The following CYRIA variants were observed in gnomAD, a reference collection of about 807,000 sequenced individuals.
CYRIA encodes the protein CYFIP-related Rac1 interactor A.
A neutral mutation model predicts 43.9 loss-of-function variants in CYRIA; 15 were observed. The ratio of observed to expected loss-of-function variants is 0.34; its 90% CI spans 0.23 to 0.53. The LOEUF (loss-of-function observed/expected upper bound fraction) is 0.53, where lower values mean the gene tolerates loss of function less well. Among genes scored for constraint, CYRIA ranks in the 20% least tolerant of loss-of-function variants. CYRIA has a pLI of 0.94. For synonymous variants in CYRIA, 117 were observed against 136.0 expected, an observed-to-expected ratio of 0.86 and a Z score of 0.97; for missense variants, 236 against 394.2, an observed-to-expected ratio of 0.60 and a Z score of 3.40.
intron 2 of CYRIA, among the ~76,000 whole-genome samples, chr2:16,609,451 T>C (rs1439603906): frequency 6.6e-6 from 1 of 152,220 alleles, no homozygotes; most frequent in Non-Finnish European, 1.5e-5. Flanking sequence ...AGACCTCAGC[T>C]TCTAGCTGGA....
chr2:16,665,684 C>T (rs914946014), intron 1 of CYRIA, 96 bp downstream of exon 1: 1 of 150,436 alleles, frequency 6.6e-6, no homozygotes, highest in Non-Finnish European at 1.5e-5. Flanking sequence ...GCCCGCCCCG[C>T]CTCGCGGTGC....
intron 2 of CYRIA, among the ~76,000 whole-genome samples, chr2:16,608,680 A>G (rs1231656043): frequency 6.6e-6 from 1 of 151,906 alleles, no homozygotes; most frequent in Non-Finnish European, 1.5e-5. Context: ...TAAGTAAGAT[A>G]ATGCAGGTAG....
intron 3 of CYRIA, among the ~76,000 whole-genome samples, chr2:16,584,559 C>A (rs952044246): frequency 1.3e-5 from 2 of 152,190 alleles, no homozygotes; most frequent in African/African-American, 4.8e-5. Flanking sequence ...GTCTGCTATT[C>A]TCTTTGGAGG....
At chr2:16,579,939 C>A (rs751644890) in intron 3 of CYRIA, among the ~76,000 whole-genome samples, 1 of 150,578 alleles carries the variant, frequency 6.6e-6, no homozygotes, top group Non-Finnish European at 1.5e-5. Flanking sequence ...ACTAAGTATT[C>A]AATTAAAAGG....
chr2:16,637,361 A>T (rs1440683232), intron 1 of CYRIA, among the ~76,000 whole-genome samples: 1 of 152,164 alleles, frequency 6.6e-6, no homozygotes, highest in Non-Finnish European at 1.5e-5. Flanking sequence ...GGTCATGAGG[A>T]TGGAGCTTTG....
chr2:16,571,400 TG>T (rs1215629746), intron 3 of CYRIA, among the ~76,000 whole-genome samples: 1 of 152,192 alleles, frequency 6.6e-6, no homozygotes, highest in African/African-American at 2.4e-5. Context: ...GCTTTGTTTT[TG>T]GGGAAGGTCT....
intron 2 of CYRIA, among the ~76,000 whole-genome samples, chr2:16,613,058 G>A (rs1403436605): frequency 6.6e-6 from 1 of 152,234 alleles, no homozygotes; most frequent in South Asian, 2.1e-4. Context: ...GGCCTCCACA[G>A]CCATGTGGAA....
At chr2:16,592,577 G>T (rs1163157794) in intron 2 of CYRIA, among the ~76,000 whole-genome samples, 2 of 152,054 alleles carry the variant, frequency 1.3e-5, no homozygotes, top group African/African-American at 4.8e-5. Context: ...GCATTGGCTG[G>T]GTCTATTTTC....
intron 1 of CYRIA, among the ~76,000 whole-genome samples, chr2:16,646,569 C>T (rs1669826141): frequency 6.6e-6 from 1 of 152,158 alleles, no homozygotes; most frequent in South Asian, 2.1e-4. Flanking sequence ...CTTGTTGCGA[C>T]TTGACATTTT....
In CYRIA at chr2:16,564,067, G is replaced by A. The variant is rs575630357; in HGVS notation, c.220C>T (p.Leu74Phe). 1 of 1,613,600 alleles carries A rather than the reference G, an allele frequency of 6.2e-7. No homozygotes were observed. The highest frequency in any genetic ancestry group is 1.7e-4 in the Middle Eastern group (1 of 6,056). Residue 74 changes from leucine (L) to phenylalanine (F), a missense_variant, in exon 5 of 12, where the codon CTT becomes TTT. Physicochemically the swap from Leu to Phe is conservative, Grantham distance 22 (BLOSUM62 0). Around this residue, in one of 3 missense-constraint regions of CYRIA, gnomAD observed 193 missense variants for 303.9 expected, o/e 0.64. Transcript: ENST00000381323. ...ACCGCATTCCAAGCTTTTTCTTGAA[G>A]CTGAATGTCATTGGGATTTTGAATT... Reference protein sequence around the residue: ...DAIQNPNDIQLQEKAWNAVCP... With the variant: ...DAIQNPNDIQFQEKAWNAVCP...
intron 2 of CYRIA, among the ~76,000 whole-genome samples, chr2:16,618,855 G>T: frequency 6.6e-6 from 1 of 152,164 alleles, no homozygotes. Context: ...TGCTTGCCCG[G>T]TCCTGCATTT....
intron 2 of CYRIA, among the ~76,000 whole-genome samples, chr2:16,618,490 G>C (rs1473767207): frequency 6.6e-6 from 1 of 152,112 alleles, no homozygotes; most frequent in Middle Eastern, 3.2e-3. Context: ...AGAACAAATA[G>C]GGCCCCTAAG....
chr2:16,609,323 G>A (rs1035853221), intron 2 of CYRIA, among the ~76,000 whole-genome samples: 12 of 152,190 alleles, frequency 7.9e-5, no homozygotes, highest in African/African-American at 2.9e-4. Flanking sequence ...CTTGTCTAAA[G>A]AGTACAGTAC....
rs563586459 is a variant in CYRIA, at chr2:16,628,621, G to A, written c.-166-4602C>T. On this transcript the variant is annotated intron_variant, in intron 1 of 11. Transcript: ENST00000381323. The stretch of plus-strand genomic sequence containing the variant: ...TCCAAACGAGGATACCTCTGAGAGT[G>A]AAAGGGGGCCCTTTTAATAATATTG... 2.6e-5 allele frequency among the ~76,000 whole-genome samples: 4 copies of A among 152,360 alleles called. No individual in the cohort carries two copies. The South Asian group carries it at 8.3e-4, about 32-fold the overall frequency.
intron 3 of CYRIA, among the ~76,000 whole-genome samples, chr2:16,566,749 T>C (rs550692755): frequency 6.6e-6 from 1 of 152,300 alleles, no homozygotes; most frequent in African/African-American, 2.4e-5. Flanking sequence ...CTTGTTCCCG[T>C]GAGCATTTCA....
At chr2:16,559,129 C>T (rs144418314) in intron 10 of CYRIA, among the ~76,000 whole-genome samples, 1 of 152,258 alleles carries the variant, frequency 6.6e-6, no homozygotes, top group East Asian at 1.9e-4. Context: ...CAATAGGACA[C>T]ACATAGAATA....
chr2:16,564,651 G>A (rs1433466789), intron 4 of CYRIA, among the ~76,000 whole-genome samples: 2 of 151,950 alleles, frequency 1.3e-5, no homozygotes, highest in Non-Finnish European at 2.9e-5. Flanking sequence ...AGCAGTGGCA[G>A]TACTGTGTGC....
At chr2:16,581,295 A>G (rs997237542) in intron 3 of CYRIA, among the ~76,000 whole-genome samples, 1 of 152,232 alleles carries the variant, frequency 6.6e-6, no homozygotes, top group Non-Finnish European at 1.5e-5. Flanking sequence ...AAGACATGAC[A>G]AGATATTTTC....
At chr2:16,569,976 G>C (rs1292628865) in intron 3 of CYRIA, among the ~76,000 whole-genome samples, 1 of 151,780 alleles carries the variant, frequency 6.6e-6, no homozygotes, top group Non-Finnish European at 1.5e-5. Context: ...TCTTCTGCTT[G>C]TCTTTGAATT....
Sources: gnomAD v4.1 joint callset for allele counts (sites outside exome capture counted in the v4.1 genomes callset) on GRCh38, gnomAD v4.1.1 for gene constraint, gnomAD v4.1.1 regional missense constraint, MANE v1.5 for transcripts, NCBI Gene and HGNC (gene_info 2026-07-23, HGNC 2026-07-21) for gene names.